Variants in NPY2R observed in about 807,000 individuals in gnomAD.
NPY2R encodes the protein neuropeptide Y receptor Y2.
In NPY2R, 17 loss-of-function variants were observed where a neutral mutation model predicts 22.3. The ratio of observed to expected loss-of-function variants is 0.76; its 90% confidence interval spans 0.52 to 1.14. NPY2R has a LOEUF of 1.14. Ranked by LOEUF, NPY2R falls within the 50% of genes most tolerant of loss-of-function variation. NPY2R has a pLI of 0.00. For missense variants in NPY2R, 424 were observed against 467.9 expected (o/e 0.91, Z 0.87); for synonymous variants, 209 against 183.4 (o/e 1.14, Z -1.13).
In NPY2R at chr4:155,215,206, C is replaced by T. The variant is rs746040960; in HGVS notation, c.*121C>T. The T allele has an allele frequency of 2.2e-5, 21 of 953,800 alleles. No homozygotes were observed. The highest frequency in any genetic ancestry group is 3.2e-5 in the Non-Finnish European group (19 of 600,864). 59.1% of individuals were successfully genotyped at this position (953,800 alleles called of 1,614,324 possible). On this transcript the variant is annotated 3_prime_UTR_variant, in exon 2 of 2. Transcript: ENST00000329476. ...AAGAAGAAGTGGATCTAAATGGAAGCATCTGCTGTTTAATTCCTGGAAAAC... is the reference window on the plus strand; with the variant it reads ...AAGAAGAAGTGGATCTAAATGGAAGTATCTGCTGTTTAATTCCTGGAAAAC...
At chr4:155,199,656 T>C in the NPY2R span, among the ~76,000 whole-genome samples, 2 of 152,072 alleles carry the variant, frequency 1.3e-5, no homozygotes, top group African/African-American at 2.4e-5. Flanking sequence ...ATGGTACTTG[T>C]ACCAAAACAG....
At chr4:155,205,987 T>C (rs978566887), upstream of NPY2R, among the ~76,000 whole-genome samples, 2 of 152,200 alleles carry the variant, frequency 1.3e-5, no homozygotes, top group African/African-American at 2.4e-5. Flanking sequence ...CTGACAATAC[T>C]GAATCAAGAT....
Position 155,216,012 on chromosome 4 carries a change from G to A in NPY2R, c.*927G>A, listed in dbSNP as rs1472560562. On this transcript the variant is annotated 3_prime_UTR_variant, in exon 2 of 2. Coordinates refer to ENST00000329476, the MANE Select transcript of NPY2R (RefSeq NM_000910.4). ...TTGTGGCATGTTGTAACATTTCACA[G>A]TATTTACAAGCTATTTTTGCACAGG... 1.2e-5 allele frequency: 2 copies of A among 166,976 alleles called. No individual in the cohort carries two copies. The highest frequency in any genetic ancestry group is 2.9e-5 in the Non-Finnish European group (2 of 68,110). The allele number at this position is 166,976 out of a possible 1,614,324, so 10.3% of individuals were successfully genotyped here.
chr4:155,207,525 C>T (rs1278896471), upstream of NPY2R: 1 of 152,220 alleles, frequency 6.6e-6, no homozygotes, highest in Non-Finnish European at 1.5e-5. Context: ...AGCTCTACTG[C>T]CTCCTCTTAA....
At chr4:155,211,444 C>T (rs1352134520) in intron 1 of NPY2R, among the ~76,000 whole-genome samples, 1 of 151,990 alleles carries the variant, frequency 6.6e-6, no homozygotes, top group African/African-American at 2.4e-5. Flanking sequence ...CAGAAGTGGA[C>T]AGTATATATT....
In NPY2R at chr4:155,215,462, T is replaced by C. The variant is rs2111048824; in HGVS notation, c.*377T>C. 2.8e-6 allele frequency: 1 copy of C among 352,602 alleles called. No homozygotes were observed. Among genetic ancestry groups the C allele is most frequent in the Non-Finnish European group, 5.7e-6 (1 of 175,062 alleles). 21.8% of individuals were successfully genotyped at this position (352,602 alleles called of 1,614,324 possible). ...CTTTCAAATCACGTTAGGACCTGGATTGAGGAGGTGTGCAGTTCGCTGCTC... is the reference window on the plus strand; with the variant it reads ...CTTTCAAATCACGTTAGGACCTGGACTGAGGAGGTGTGCAGTTCGCTGCTC... On this transcript the variant is annotated 3_prime_UTR_variant, in exon 2 of 2. Coordinates refer to ENST00000329476, the MANE Select transcript of NPY2R (RefSeq NM_000910.4).
chr4:155,186,671 G>A, the NPY2R span, among the ~76,000 whole-genome samples: 1 of 152,046 alleles, frequency 6.6e-6, no homozygotes, highest in African/African-American at 2.4e-5. Flanking sequence ...TACTCATCAT[G>A]ATACACAGTA....
chr4:155,182,845 T>C, the NPY2R span, among the ~76,000 whole-genome samples: 1 of 151,980 alleles, frequency 6.6e-6, no homozygotes, highest in African/African-American at 2.4e-5. Context: ...CAGGCTGGAG[T>C]GCAGTGGCGC....
the NPY2R span, among the ~76,000 whole-genome samples, chr4:155,198,614 T>TAATATATTATATATAATATAAATATA: frequency 6.8e-6 from 1 of 147,582 alleles, no homozygotes. Context: ...TTGATATATA[T>TAATATATTATATATAATATAAATATA]TTTTTTTCTG....
At chr4:155,181,270 T>C in the NPY2R span, among the ~76,000 whole-genome samples, 1 of 152,166 alleles carries the variant, frequency 6.6e-6, no homozygotes, top group African/African-American at 2.4e-5. Flanking sequence ...CACTAAATGA[T>C]TGTGGTACCC....
chr4:155,185,149 C>T, the NPY2R span, among the ~76,000 whole-genome samples: 7 of 151,504 alleles, frequency 4.6e-5, no homozygotes, highest in Non-Finnish European at 8.8e-5. Context: ...AAGCGATTCT[C>T]CTGCCTCAGC....
At chr4:155,174,218 A>G in the NPY2R span, 1 of 151,924 alleles carries the variant, frequency 6.6e-6, no homozygotes, top group South Asian at 2.1e-4. Flanking sequence ...GTGTTGAAAA[A>G]GCTAAGAACC....
chr4:155,209,242 A>G (rs1729352721), intron 1 of NPY2R, among the ~76,000 whole-genome samples, 173 bp downstream of exon 1: 1 of 151,884 alleles, frequency 6.6e-6, no homozygotes, highest in African/African-American at 2.4e-5. Flanking sequence ...CCCATTTTCT[A>G]CTTTCTCTAG....
chr4:155,187,823 GT>G, the NPY2R span, among the ~76,000 whole-genome samples: 1 of 152,106 alleles, frequency 6.6e-6, no homozygotes, highest in Non-Finnish European at 1.5e-5. Flanking sequence ...GATTGTCAAT[GT>G]AGTTGCAAAA....
At chr4:155,202,590 C>T in the NPY2R span, among the ~76,000 whole-genome samples, 61 of 152,158 alleles carry the variant, frequency 4.0e-4, no homozygotes, top group Middle Eastern at 3.4e-3. Flanking sequence ...ATGCTACTTG[C>T]ATTATTCATT....
At chr4:155,190,828 C>T in the NPY2R span, among the ~76,000 whole-genome samples, 2 of 151,806 alleles carry the variant, frequency 1.3e-5, no homozygotes, top group Non-Finnish European at 2.9e-5. Context: ...ATCTTTCTTA[C>T]TAAGGGGAAA....
chr4:155,213,731 A>G (rs549547121), intron 1 of NPY2R, among the ~76,000 whole-genome samples, 161 bp from the exon 2 acceptor site: 3 of 152,332 alleles, frequency 2.0e-5, no homozygotes, highest in South Asian at 2.1e-4. Context: ...TTTCATTAAA[A>G]TGTTTTGCTA....
chr4:155,180,488 A>G, the NPY2R span, among the ~76,000 whole-genome samples: 1 of 152,128 alleles, frequency 6.6e-6, no homozygotes, highest in African/African-American at 2.4e-5. Context: ...TTCTTTCATT[A>G]TTATACTTCT....
chr4:155,174,486 T>TATATATATATATATATA, the NPY2R span, among the ~76,000 whole-genome samples: 81 of 68,640 alleles, frequency 1.2e-3, no homozygotes, highest in African/African-American at 6.1e-3. Flanking sequence ...ATATATATAT[T>TATATATATATATATATA]TTTTTTTTTA....
Sources: allele counts gnomAD v4.1 joint callset (sites outside exome capture counted in the v4.1 genomes callset), GRCh38; gene constraint gnomAD v4.1.1; transcripts MANE v1.5; gene names NCBI Gene and HGNC (gene_info 2026-07-23, HGNC 2026-07-21).